The following HMCN1 variants were observed in gnomAD, a reference collection of about 807,000 sequenced individuals.
HMCN1 encodes the protein hemicentin-1.
Under a neutral mutation model 625.9 loss-of-function variants are expected in HMCN1, and 321 were observed. The ratio of observed to expected loss-of-function variants is 0.51; its 90% CI spans 0.47 to 0.56. HMCN1 has a LOEUF of 0.56. Among genes scored for constraint, HMCN1 ranks in the 20% least tolerant of loss-of-function variants. The pLI is 0.00. For synonymous variants in HMCN1, 2,425 were observed against 2,417.6 expected, an observed-to-expected ratio of 1.00 and a Z score of -0.09; for missense variants, 6,588 against 6,887.3, an observed-to-expected ratio of 0.96 and a Z score of 1.54.
At chr1:185,930,984 C>T (rs913751487) in intron 10 of HMCN1, among the ~76,000 whole-genome samples, 7 of 150,276 alleles carry the variant, frequency 4.7e-5, no homozygotes, top group Admixed American at 1.3e-4. Context: ...TTCTGAAGAG[C>T]GAAAACTTGT....
intron 67 of HMCN1, 74 bp from the exon 68 acceptor site, chr1:186,095,169 T>C: frequency 7.1e-7 from 1 of 1,407,274 alleles, no homozygotes. Flanking sequence ...ATAGAATTAT[T>C]CAAATGTTTT....
At chr1:185,986,046 A>G (rs1452302830) in intron 19 of HMCN1, among the ~76,000 whole-genome samples, 1 of 152,200 alleles carries the variant, frequency 6.6e-6, no homozygotes, top group African/African-American at 2.4e-5. Flanking sequence ...GGCTTATTCC[A>G]TGTTGCCACA....
chr1:185,894,218 T>C (rs1665342047), intron 4 of HMCN1, among the ~76,000 whole-genome samples: 1 of 152,086 alleles, frequency 6.6e-6, no homozygotes, highest in South Asian at 2.1e-4. Flanking sequence ...ATTTGGCAAA[T>C]TGTGTCCTTC....
intron 4 of HMCN1, 39 bp from the exon 5 acceptor site, chr1:185,909,297 GT>G (rs1393628020): frequency 6.5e-7 from 1 of 1,530,594 alleles, no homozygotes; most frequent in African/African-American, 1.4e-5. Context: ...AACTGCGAAT[GT>G]TTTCTGATAT....
intron 1 of HMCN1, among the ~76,000 whole-genome samples, chr1:185,834,253 T>G (rs1209099708): frequency 6.6e-6 from 1 of 152,244 alleles, no homozygotes; most frequent in Non-Finnish European, 1.5e-5. Flanking sequence ...ACATTTATTA[T>G]TTGCCAGTTT....
At chr1:185,860,160 A>G (rs1362062899) in intron 2 of HMCN1, among the ~76,000 whole-genome samples, 2 of 152,220 alleles carry the variant, frequency 1.3e-5, no homozygotes, top group African/African-American at 4.8e-5. Flanking sequence ...TAAGATATGA[A>G]TTATTAGTTA....
intron 97 of HMCN1, among the ~76,000 whole-genome samples, chr1:186,157,564 A>C (rs1000198556): frequency 2.6e-5 from 4 of 152,128 alleles, no homozygotes; most frequent in Non-Finnish European, 5.9e-5. Context: ...TATACATGTG[A>C]CATGCTGGTG....
At chr1:186,155,779 T>C (rs913133914) in intron 97 of HMCN1, among the ~76,000 whole-genome samples, 4 of 152,216 alleles carry the variant, frequency 2.6e-5, no homozygotes, top group Admixed American at 1.3e-4. Flanking sequence ...ATTTTAAGAA[T>C]TGTGTACTTG....
rs555834523 is a variant in HMCN1 at position 185,921,786 on chromosome 1, C to T, written c.901-593C>T. The stretch of plus-strand genomic sequence containing the variant: ...GGTTTTTGAAATGCAAATTCCTAGA[C>T]TGCCCTGACCTAATATTCAGATTCA... On this transcript the variant is annotated intron_variant, in intron 6 of 106. Transcript: ENST00000271588. Among the ~76,000 whole-genome samples, 4 of 152,298 alleles carry T rather than the reference C, an allele frequency of 2.6e-5. No individual in the cohort carries two copies. In the East Asian group the frequency reaches 7.7e-4, roughly 29 times the overall value.
Position 186,095,170 on chromosome 1 carries a change from C to T in HMCN1, c.10295-73C>T, listed in dbSNP as rs116809458. On this transcript the variant is annotated intron_variant, in intron 67 of 106. Transcript: ENST00000271588. ...ACCACAGAAACATTATAGAATTATTCAAATGTTTTAATTTAAATTGATCTC... is the reference window on the plus strand; with the variant it reads ...ACCACAGAAACATTATAGAATTATTTAAATGTTTTAATTTAAATTGATCTC... The T allele has an allele frequency of 2.8e-4, 398 of 1,404,936 alleles. No homozygotes were observed. In the African/African-American group the frequency reaches 5.1e-3, roughly 18 times the overall value. 87.0% of individuals were successfully genotyped at this position (1,404,936 alleles called of 1,614,324 possible).
At chr1:185,781,053 AACTTCTTCCTGGTTTAGTCTT>A (rs1161579877) in intron 1 of HMCN1, among the ~76,000 whole-genome samples, 3 of 152,138 alleles carry the variant, frequency 2.0e-5, no homozygotes, top group Non-Finnish European at 4.4e-5. Flanking sequence ...TCAGAGATTC[AACTTCTTCCTGGTTTAGTCTT>A]GGGAAGTTGT....
In HMCN1 at chr1:186,153,991, A is replaced by T. The variant is rs184102616; in HGVS notation, c.15256+4A>T. ...ATTCATGCTTCAATATCCAAAGGTA[A>T]TTTGATAAAAGAAAATCCATATCTT... On this transcript the variant is annotated splice_donor_region_variant and intron_variant, in intron 97 of 106. Coordinates refer to ENST00000271588, the MANE Select transcript of HMCN1 (RefSeq NM_031935.3). The T allele has an allele frequency of 2.6e-3, 4,214 of 1,605,644 alleles. 6 individuals are homozygous for T. The highest frequency in any genetic ancestry group is 3.5e-3 in the Admixed American group (209 of 59,998).
At chr1:186,176,813 G>A (rs963318964) in intron 103 of HMCN1, 1 of 145,820 alleles carries the variant, frequency 6.9e-6, no homozygotes, top group African/African-American at 2.8e-5. Flanking sequence ...AAACATAAAA[G>A]AGAGACCCAG....
intron 11 of HMCN1, among the ~76,000 whole-genome samples, chr1:185,950,574 T>A (rs1177544956): frequency 2.6e-5 from 4 of 151,602 alleles, no homozygotes; most frequent in African/African-American, 4.9e-5. Context: ...GGAGAGCACG[T>A]GTGTTTTTAT....
At chr1:185,975,239 C>T (rs941500363) in intron 15 of HMCN1, among the ~76,000 whole-genome samples, 1 of 152,124 alleles carries the variant, frequency 6.6e-6, no homozygotes, top group Non-Finnish European at 1.5e-5. Context: ...TCCGTTCTCA[C>T]ATTGCTATAA....
In HMCN1 at chr1:185,783,821, G is replaced by A. The variant is rs555216442; in HGVS notation, c.268+48774G>A. Among the ~76,000 whole-genome samples the A allele has an allele frequency of 6.6e-5, 10 of 152,294 alleles. No individual in the cohort carries two copies. The East Asian group carries it at 7.7e-4, about 12-fold the overall frequency. ...ACCCACTTGAGGAGGCAGTCTGACC[G>A]TTCTCAGATCTCAAACTCCATGCTG... On this transcript the variant is annotated intron_variant, in intron 1 of 106. Coordinates refer to ENST00000271588, the MANE Select transcript of HMCN1 (RefSeq NM_031935.3).
intron 17 of HMCN1, 70 bp from the exon 18 acceptor site, chr1:185,982,192 C>A: frequency 3.5e-6 from 5 of 1,432,056 alleles, no homozygotes; most frequent in Non-Finnish European, 4.9e-6. Context: ...GTCTTTGGGG[C>A]CTGTGAAGTG....
intron 1 of HMCN1, among the ~76,000 whole-genome samples, chr1:185,829,868 G>T (rs1660747850): frequency 1.3e-5 from 2 of 152,160 alleles, no homozygotes; most frequent in Admixed American, 6.5e-5. Context: ...CACCAACAGT[G>T]TAAAAGCATT....
In HMCN1 at chr1:186,171,988, C is replaced by G; in HGVS notation, c.15689-18C>G. 1 of 1,611,302 alleles carries G rather than the reference C, an allele frequency of 6.2e-7. No homozygotes were observed. The highest frequency in any genetic ancestry group is 8.5e-7 in the Non-Finnish European group (1 of 1,178,040). ...AAATAATTTTCTTAATCTACATTAC[C>G]TTTGTTCTTTTATCAAGATGTGAAC... On this transcript the variant is annotated intron_variant, in intron 101 of 106. Transcript: ENST00000271588.
Sources: gnomAD v4.1 joint callset for allele counts (sites outside exome capture counted in the v4.1 genomes callset) on GRCh38, gnomAD v4.1.1 for gene constraint, MANE v1.5 for transcripts, NCBI Gene and HGNC (gene_info 2026-07-23, HGNC 2026-07-21) for gene names.